The following ATP8A2 variants were observed in gnomAD, a reference collection of about 807,000 sequenced individuals.
ATP8A2 encodes the protein phospholipid-transporting ATPase IB.
Under a neutral mutation model 165.6 loss-of-function variants are expected in ATP8A2, and 100 were observed. The observed-to-expected ratio is 0.60, with a 90% CI of 0.51 to 0.71. ATP8A2 has a LOEUF of 0.71. ATP8A2 is among the 30% of genes least tolerant of loss of function. The pLI, the probability that ATP8A2 is intolerant of heterozygous loss-of-function variation, is 0.00. For missense variants in ATP8A2, 1,227 were observed against 1,479.5 expected, an observed-to-expected ratio of 0.83 and a Z score of 2.80; for synonymous variants, 543 against 548.8, an observed-to-expected ratio of 0.99 and a Z score of 0.15.
At chr13:25,611,565 G>A (rs1486596048) in intron 24 of ATP8A2, among the ~76,000 whole-genome samples, 1 of 151,960 alleles carries the variant, frequency 6.6e-6, no homozygotes, top group Non-Finnish European at 1.5e-5. Flanking sequence ...TGTTAAGGAT[G>A]TTTGCATCTA....
intron 1 of ATP8A2, among the ~76,000 whole-genome samples, chr13:25,440,359 A>C (rs2034898631): frequency 6.6e-6 from 1 of 151,902 alleles, no homozygotes; most frequent in African/African-American, 2.4e-5. Flanking sequence ...GGTAGGTGAA[A>C]GTCCCTCCCT....
Position 25,457,872 on chromosome 13 carries a change from T to A in ATP8A2, c.77-11105T>A, listed in dbSNP as rs140143885. On this transcript the variant is annotated intron_variant, in intron 1 of 36. Coordinates refer to ENST00000381655, the MANE Select transcript of ATP8A2 (RefSeq NM_016529.6). ...AAAGCCATCCTACTGGGGAAGTCTA[T>A]TTTGTGTCAGTGGAGTTGGGAACAA... is the stretch of plus-strand genomic sequence containing the variant. Among the ~76,000 whole-genome samples the A allele has an allele frequency of 3.3e-5, 5 of 152,370 alleles. No individual in the cohort carries two copies. In the East Asian group the frequency reaches 9.6e-4, roughly 29 times the overall value.
At chr13:25,969,635 G>C (rs1955869788) in intron 35 of ATP8A2, among the ~76,000 whole-genome samples, 1 of 152,210 alleles carries the variant, frequency 6.6e-6, no homozygotes, top group African/African-American at 2.4e-5. Context: ...AACATTTTGA[G>C]AGGCTTTCAA....
intron 24 of ATP8A2, among the ~76,000 whole-genome samples, chr13:25,590,121 A>G (rs894843795): frequency 6.6e-6 from 1 of 152,200 alleles, no homozygotes; most frequent in Admixed American, 6.5e-5. Context: ...AGTGTTAAGC[A>G]TTGTTTAAAT....
intron 16 of ATP8A2, among the ~76,000 whole-genome samples, chr13:25,565,892 T>G (rs534358914): frequency 1.3e-5 from 2 of 151,508 alleles, no homozygotes; most frequent in East Asian, 3.9e-4. Flanking sequence ...TAGAAAATTA[T>G]TCAATGATCA....
At chr13:25,689,664 G>A (rs544356304) in intron 24 of ATP8A2, among the ~76,000 whole-genome samples, 1 of 152,290 alleles carries the variant, frequency 6.6e-6, no homozygotes, top group African/African-American at 2.4e-5. Context: ...CCTAGTTGGA[G>A]TGATGATATT....
chr13:25,423,545 G>A (rs1462371825), intron 1 of ATP8A2, among the ~76,000 whole-genome samples: 1 of 152,176 alleles, frequency 6.6e-6, no homozygotes, highest in East Asian at 1.9e-4. Context: ...TCTAAAAGCT[G>A]TACCAGTCTA....
intron 33 of ATP8A2, among the ~76,000 whole-genome samples, chr13:25,929,031 A>G (rs1400574370): frequency 6.6e-6 from 1 of 151,818 alleles, no homozygotes; most frequent in African/African-American, 2.4e-5. Flanking sequence ...CAATTTTTCT[A>G]TGTGCTTAAG....
intron 1 of ATP8A2, 97 bp from the exon 2 acceptor site, chr13:25,468,880 C>A: frequency 2.6e-6 from 4 of 1,555,182 alleles, no homozygotes; most frequent in Non-Finnish European, 3.5e-6. Flanking sequence ...CATCCTTCCC[C>A]GCCGGTGGCC....
At chr13:25,869,542 T>C (rs1952618973) in intron 33 of ATP8A2, among the ~76,000 whole-genome samples, 1 of 152,226 alleles carries the variant, frequency 6.6e-6, no homozygotes, top group Non-Finnish European at 1.5e-5. Flanking sequence ...GTCTGTAATA[T>C]CCATACTTGC....
At chr13:25,632,383 C>G (rs2041263164) in intron 24 of ATP8A2, among the ~76,000 whole-genome samples, 1 of 152,138 alleles carries the variant, frequency 6.6e-6, no homozygotes, top group Non-Finnish European at 1.5e-5. Flanking sequence ...CTGCCTCGGT[C>G]TTTCCTGTTT....
At chr13:25,806,105 G>A (rs866300220) in intron 27 of ATP8A2, among the ~76,000 whole-genome samples, 46 of 152,180 alleles carry the variant, frequency 3.0e-4, no homozygotes, top group African/African-American at 7.7e-4. Context: ...AGAAACATAC[G>A]TAGGGCAGCA....
chr13:25,402,927 G>T (rs2033683274), intron 1 of ATP8A2, among the ~76,000 whole-genome samples: 1 of 152,182 alleles, frequency 6.6e-6, no homozygotes, highest in Non-Finnish European at 1.5e-5. Flanking sequence ...AGGTCCCTGT[G>T]TCTGCTTCAA....
At chr13:25,504,567 C>T (rs9581361) in intron 2 of ATP8A2, among the ~76,000 whole-genome samples, 3,261 of 147,046 alleles carry the variant, frequency 0.022, 51 homozygotes, top group African/African-American at 0.044. Context: ...GGTGAAACCC[C>T]GTCTCTACTA....
At chr13:25,580,037 T>A (rs961601259) in intron 22 of ATP8A2, 90 bp downstream of exon 22, 10 of 1,425,730 alleles carry the variant, frequency 7.0e-6, no homozygotes, top group Non-Finnish European at 9.6e-6. Context: ...TTTTACTATG[T>A]AGGGATGTTC....
At chr13:25,469,542 A>G (rs2035782678) in intron 2 of ATP8A2, among the ~76,000 whole-genome samples, 1 of 152,128 alleles carries the variant, frequency 6.6e-6, no homozygotes, top group Admixed American at 6.5e-5. Flanking sequence ...CCCACAAGTC[A>G]CAAGGAATCA....
chr13:25,392,114 C>T (rs1431410123), intron 1 of ATP8A2, among the ~76,000 whole-genome samples: 3 of 152,186 alleles, frequency 2.0e-5, no homozygotes, highest in Admixed American at 6.5e-5. Flanking sequence ...TGACCTCACA[C>T]GCAGCAATAG....
chr13:25,852,782 G>A (rs1305759583), intron 30 of ATP8A2, among the ~76,000 whole-genome samples: 2 of 152,080 alleles, frequency 1.3e-5, no homozygotes, highest in Non-Finnish European at 2.9e-5. Context: ...TTCGCGGCCA[G>A]CCTGACTAAC....
intron 33 of ATP8A2, among the ~76,000 whole-genome samples, chr13:25,907,309 G>A (rs550401759): frequency 3.0e-4 from 46 of 152,146 alleles, no homozygotes; most frequent in African/African-American, 1.0e-3. Context: ...TGGAGATCAC[G>A]CCAGTGCACT....
Sources: allele counts gnomAD v4.1 joint callset (sites outside exome capture counted in the v4.1 genomes callset), GRCh38; gene constraint gnomAD v4.1.1; transcripts MANE v1.5; gene names NCBI Gene and HGNC (gene_info 2026-07-23, HGNC 2026-07-21).